The following DBF4 variants were observed in gnomAD, a reference collection of about 807,000 sequenced individuals.
The protein encoded by DBF4 is protein DBF4 homolog A.
In DBF4, 25 loss-of-function variants were observed where a neutral mutation model predicts 76.6. The ratio of observed to expected loss-of-function variants is 0.33; its 90% CI spans 0.24 to 0.46. The LOEUF (loss-of-function observed/expected upper bound fraction) is 0.46, where lower values mean the gene tolerates loss of function less well. Among genes scored for constraint, DBF4 ranks in the 20% least tolerant of loss-of-function variants. The pLI, the probability that DBF4 is intolerant of heterozygous loss-of-function variation, is 1.00. For missense variants in DBF4, 638 were observed against 760.8 expected (o/e 0.84, Z 1.90); for synonymous variants, 213 against 258.0 (o/e 0.83, Z 1.67).
rs1295800484 is a variant in DBF4 at position 87,908,527 on chromosome 7, T to C, written c.*364T>C. Reference sequence around the variant, plus strand: ...TTGTATTGTAAATTTTAAAAGATTATCAGGATAACATGACCTTGCCTTGAA... The same window carrying C: ...TTGTATTGTAAATTTTAAAAGATTACCAGGATAACATGACCTTGCCTTGAA... On this transcript the variant is annotated 3_prime_UTR_variant, in exon 12 of 12. Transcript: ENST00000265728. 1 of 156,774 alleles carries C rather than the reference T, an allele frequency of 6.4e-6. No individual in the cohort carries two copies. The highest frequency in any genetic ancestry group is 1.4e-5 in the Non-Finnish European group (1 of 71,064). The allele number at this position is 156,774 out of a possible 1,614,324, so 9.7% of individuals were successfully genotyped here.
chr7:87,898,070 G>A (rs1024673966), intron 8 of DBF4, among the ~76,000 whole-genome samples: 3 of 152,206 alleles, frequency 2.0e-5, no homozygotes, highest in Admixed American at 1.3e-4. Flanking sequence ...GAGCCACTGT[G>A]CCCAGCCATG....
chr7:87,882,573 G>A (rs1187321090), intron 2 of DBF4, among the ~76,000 whole-genome samples: 1 of 152,076 alleles, frequency 6.6e-6, no homozygotes, highest in Non-Finnish European at 1.5e-5. Flanking sequence ...ATCTGCTAAG[G>A]GATTAATATC....
chr7:87,887,464 C>A, intron 5 of DBF4, 66 bp downstream of exon 5: 1 of 1,470,546 alleles, frequency 6.8e-7, no homozygotes, highest in Non-Finnish European at 9.1e-7. Flanking sequence ...CCTTTGGTTC[C>A]TGACTTTACA....
At chr7:87,891,856 A>T (rs75602460) in intron 6 of DBF4, among the ~76,000 whole-genome samples, 2 of 152,282 alleles carry the variant, frequency 1.3e-5, no homozygotes, top group Non-Finnish European at 2.9e-5. Context: ...AAAAGCTTGA[A>T]TCATTGATTT....
chr7:87,878,528 A>G (rs778004070), intron 2 of DBF4: 6 of 220,696 alleles, frequency 2.7e-5, no homozygotes, highest in Non-Finnish European at 4.4e-5. Flanking sequence ...GATAACAGCA[A>G]TTTCTTGATT....
At chr7:87,879,196 A>T (rs1025536066) in intron 2 of DBF4, among the ~76,000 whole-genome samples, 2 of 152,088 alleles carry the variant, frequency 1.3e-5, no homozygotes, top group Non-Finnish European at 2.9e-5. Context: ...TGATTTGCCC[A>T]CCTCAGCCTT....
intron 11 of DBF4, among the ~76,000 whole-genome samples, chr7:87,906,611 C>T (rs1839922100): frequency 6.6e-6 from 1 of 152,016 alleles, no homozygotes; most frequent in African/African-American, 2.4e-5. Context: ...ATGTTTGAAG[C>T]TTAAAAGTTA....
intron 6 of DBF4, among the ~76,000 whole-genome samples, chr7:87,895,786 T>TTA (rs150655383): frequency 0.049 from 7,457 of 152,220 alleles, 273 homozygotes; most frequent in East Asian, 0.094. Flanking sequence ...TAGCTTAAGC[T>TTA]TGTACTACCT....
rs769147941 is a variant in DBF4, at chr7:87,876,796, C to T, written c.46+18C>T. ...TTTCCAGGGTAAGAAGCCCCTCCTC[C>T]GCCTGCAGTCCCTTTAATCCTTTCC... On this transcript the variant is annotated intron_variant, in intron 1 of 11. Coordinates refer to ENST00000265728, the MANE Select transcript of DBF4 (RefSeq NM_006716.4). The T allele has an allele frequency of 6.2e-6, 10 of 1,613,602 alleles. No homozygotes were observed. The East Asian group carries it at 2.2e-4, about 36-fold the overall frequency.
At chr7:87,888,635 G>C (rs541043042) in intron 6 of DBF4, among the ~76,000 whole-genome samples, 5 of 152,232 alleles carry the variant, frequency 3.3e-5, no homozygotes, top group African/African-American at 1.2e-4. Flanking sequence ...AACCTCCCTT[G>C]ATCCCACATC....
intron 9 of DBF4, 148 bp from the exon 10 acceptor site, chr7:87,900,616 A>G: frequency 1.4e-6 from 1 of 701,634 alleles, no homozygotes; most frequent in Non-Finnish European, 2.3e-6. Context: ...GCTTCTCAAT[A>G]TAGTATAAAG....
chr7:87,884,097 A>G (rs1017521791), intron 2 of DBF4, among the ~76,000 whole-genome samples: 1 of 152,232 alleles, frequency 6.6e-6, no homozygotes, highest in African/African-American at 2.4e-5. Flanking sequence ...TTAAGCGTAA[A>G]GGTTCCCTCC....
intron 11 of DBF4, among the ~76,000 whole-genome samples, chr7:87,905,568 A>G (rs1369859909): frequency 6.6e-6 from 1 of 152,208 alleles, no homozygotes; most frequent in Non-Finnish European, 1.5e-5. Flanking sequence ...CTGCACATTG[A>G]CAAAAATTGT....
intron 9 of DBF4, 109 bp from the exon 10 acceptor site, chr7:87,900,655 A>G (rs1236558062): frequency 4.5e-6 from 4 of 895,996 alleles, no homozygotes; most frequent in Non-Finnish European, 6.8e-6. Flanking sequence ...TTGCTGATAC[A>G]AGTCTCTGCA....
intron 8 of DBF4, 82 bp downstream of exon 8, chr7:87,897,421 AGTACT>A: frequency 7.7e-7 from 1 of 1,297,210 alleles, no homozygotes; most frequent in Non-Finnish European, 1.1e-6. Context: ...TAGCTCGATT[AGTACT>A]GTTAGGTTCC....
At chr7:87,886,814 A>G in intron 3 of DBF4, 30 bp from the exon 4 acceptor site, 2 of 1,341,126 alleles carry the variant, frequency 1.5e-6, no homozygotes, top group Non-Finnish European at 2.1e-6. Context: ...GTTAAGCACT[A>G]TGTTTTAAAT....
intron 7 of DBF4, 135 bp downstream of exon 7, chr7:87,896,645 G>A (rs1391995936): frequency 6.0e-6 from 4 of 664,646 alleles, no homozygotes; most frequent in Non-Finnish European, 9.6e-6. Context: ...TAGATCCTTG[G>A]TGAAGTTTGG....
At position 87,900,806 on chromosome 7, in the gene DBF4, A is replaced by T. The variant is rs755818296; in HGVS notation, c.852A>T (p.Gln284His). Residue 284 changes from glutamine (Q) to histidine (H), a missense_variant, in exon 10 of 12, where the codon CAA becomes CAT. Physicochemically the swap from Gln to His is conservative, Grantham distance 24. Transcript: ENST00000265728. ...DGDKYGGTSI[Q>H]LQLKEKKKKG... ...ATAAGTATGGTGGAACCTCAATTCA[A>T]CTCCAGTTGAAAGAGAAGAAGAAAA... 3.1e-6 allele frequency: 5 copies of T among 1,613,300 alleles called. No individual in the cohort carries two copies. In the South Asian group the frequency reaches 5.5e-5, roughly 18 times the overall value.
At chr7:87,904,269 A>G in intron 10 of DBF4, 23 bp from the exon 11 acceptor site, 1 of 1,573,194 alleles carries the variant, frequency 6.4e-7, no homozygotes, top group Non-Finnish European at 8.6e-7. Flanking sequence ...ATTTTTTGAT[A>G]CATGTTTTTA....
Sources: allele counts gnomAD v4.1 joint callset (sites outside exome capture counted in the v4.1 genomes callset), GRCh38; gene constraint gnomAD v4.1.1; transcripts MANE v1.5; gene names NCBI Gene and HGNC (gene_info 2026-07-23, HGNC 2026-07-21).